Variants in IL1RAPL2 observed in about 807,000 individuals in gnomAD.
The protein encoded by IL1RAPL2 is interleukin 1 receptor accessory protein like 2.
In IL1RAPL2, 3 loss-of-function variants were observed where a neutral mutation model predicts 44.1. That is an observed-to-expected ratio of 0.07 (90% CI 0.03 to 0.18). The LOEUF (loss-of-function observed/expected upper bound fraction) is 0.18. IL1RAPL2 is among the 10% of genes least tolerant of loss of function. IL1RAPL2 has a pLI of 1.00. For missense variants in IL1RAPL2, 391 were observed against 496.4 expected (o/e 0.79, Z 2.02); for synonymous variants, 181 against 178.8 (o/e 1.01, Z -0.10).
chrX:105,243,203 G>A (rs2034186707), intron 4 of IL1RAPL2, among the ~76,000 whole-genome samples: 1 of 111,412 alleles, frequency 9.0e-6, no homozygotes, highest in Non-Finnish European at 1.9e-5. Flanking sequence ...GGTGGAAGGT[G>A]ATTGAATCAT....
chrX:105,144,694 T>A (rs2033163346), intron 2 of IL1RAPL2, among the ~76,000 whole-genome samples: 1 of 111,937 alleles, frequency 8.9e-6, no homozygotes, highest in Non-Finnish European at 1.9e-5. Context: ...GGAATATACT[T>A]TTGCTTATTG....
intron 6 of IL1RAPL2, among the ~76,000 whole-genome samples, chrX:105,609,658 C>T (rs781436369): frequency 4.5e-5 from 5 of 111,449 alleles, no homozygotes; most frequent in Admixed American, 9.5e-5. Context: ...GGAATAGATA[C>T]GGTTTTATCA....
chrX:105,562,373 T>C (rs776657845), intron 6 of IL1RAPL2, among the ~76,000 whole-genome samples: 1 of 111,123 alleles, frequency 9.0e-6, no homozygotes, highest in African/African-American at 3.3e-5. Flanking sequence ...GGACTTCAAA[T>C]GTTCTCACCA....
Position 105,162,047 on chromosome X carries a change from A to G in IL1RAPL2, c.83-33428A>G, listed in dbSNP as rs953811472. ...TCAACCCAGTCTATGCCCACTCACC[A>G]TTGTTAGATGACACTGTAATTCCAG... On this transcript the variant is annotated intron_variant, in intron 2 of 10. Coordinates refer to ENST00000372582, the MANE Select transcript of IL1RAPL2 (RefSeq NM_017416.2). Among the ~76,000 whole-genome samples, 5 of 112,275 alleles carry G rather than the reference A, an allele frequency of 4.5e-5. No individual in the cohort carries two copies. In the Admixed American group the frequency reaches 4.7e-4, roughly 11 times the overall value.
intron 2 of IL1RAPL2, among the ~76,000 whole-genome samples, chrX:104,802,820 A>G (rs1303545266): frequency 9.0e-6 from 1 of 111,037 alleles, no homozygotes; most frequent in African/African-American, 3.3e-5. Context: ...TAGAATATCA[A>G]TCCCTAAGTG....
chrX:105,432,661 GACAA>G (rs2035856359), intron 5 of IL1RAPL2, among the ~76,000 whole-genome samples: 1 of 111,219 alleles, frequency 9.0e-6, no homozygotes, highest in African/African-American at 3.3e-5. Flanking sequence ...AGACTTTCTA[GACAA>G]ACAATGTATA....
chrX:104,819,375 C>T (rs764405250), intron 2 of IL1RAPL2, among the ~76,000 whole-genome samples: 1 of 111,514 alleles, frequency 9.0e-6, no homozygotes, highest in East Asian at 2.8e-4. Context: ...GATGGGTTTA[C>T]ATCCTAATAT....
At chrX:105,093,192 G>C (rs1474197598) in intron 2 of IL1RAPL2, among the ~76,000 whole-genome samples, 4 of 106,178 alleles carry the variant, frequency 3.8e-5, no homozygotes, top group Non-Finnish European at 7.7e-5. Flanking sequence ...TGCACACACA[G>C]AAACACACAC....
chrX:105,119,556 T>C (rs953181078), intron 2 of IL1RAPL2, among the ~76,000 whole-genome samples: 1 of 111,726 alleles, frequency 9.0e-6, no homozygotes, highest in Non-Finnish European at 1.9e-5. Flanking sequence ...GTTGCACCTA[T>C]TCTGGCCCTA....
chrX:105,441,625 G>A (rs934097519), intron 5 of IL1RAPL2, among the ~76,000 whole-genome samples: 4 of 111,422 alleles, frequency 3.6e-5, no homozygotes, highest in Admixed American at 9.5e-5. Context: ...AGATTCAAAC[G>A]TTCTCTCATA....
At chrX:104,653,816 T>C (rs945568442) in intron 1 of IL1RAPL2, among the ~76,000 whole-genome samples, 2 of 111,442 alleles carry the variant, frequency 1.8e-5, no homozygotes, top group African/African-American at 6.5e-5. Flanking sequence ...CCTTTACATG[T>C]CATCCAGAGG....
intron 4 of IL1RAPL2, among the ~76,000 whole-genome samples, chrX:105,243,605 A>ATATT (rs1556211250): frequency 1.0e-5 from 1 of 97,400 alleles, no homozygotes; most frequent in African/African-American, 3.9e-5. Context: ...ATATATATAT[A>ATATT]TTTTTTTTTT....
intron 2 of IL1RAPL2, among the ~76,000 whole-genome samples, chrX:104,749,530 A>G (rs185146321): frequency 2.0e-3 from 223 of 112,133 alleles, no homozygotes; most frequent in African/African-American, 6.9e-3. Flanking sequence ...TTATACATGT[A>G]ATTATCTTTC....
chrX:104,911,603 T>C (rs1334836866), intron 2 of IL1RAPL2, among the ~76,000 whole-genome samples: 1 of 111,875 alleles, frequency 8.9e-6, no homozygotes, highest in Non-Finnish European at 1.9e-5. Context: ...CACTCTCCAC[T>C]CTTGCTCTTA....
chrX:105,642,453 C>A (rs1330833022), intron 6 of IL1RAPL2, among the ~76,000 whole-genome samples: 1 of 111,806 alleles, frequency 8.9e-6, no homozygotes, highest in African/African-American at 3.3e-5. Flanking sequence ...AACAACCCTA[C>A]TTTTAGACTT....
chrX:105,163,099 A>C lies in IL1RAPL2; in HGVS notation c.83-32376A>C, dbSNP rs1453211351. Among the ~76,000 whole-genome samples the C allele has an allele frequency of 2.7e-5, 3 of 111,752 alleles. No individual in the cohort carries two copies. The Admixed American group carries it at 2.9e-4, about 11-fold the overall frequency. On this transcript the variant is annotated intron_variant, in intron 2 of 10. Coordinates refer to ENST00000372582, the MANE Select transcript of IL1RAPL2 (RefSeq NM_017416.2). ...AAATCTGGCTCACCAGCTGTTTTGT[A>C]GTTTTACTGGAACACAGTCATGCTA...
At chrX:105,082,459 A>G (rs1480162589) in intron 2 of IL1RAPL2, among the ~76,000 whole-genome samples, 1 of 111,658 alleles carries the variant, frequency 9.0e-6, no homozygotes, top group African/African-American at 3.3e-5. Flanking sequence ...ACTAAGGATC[A>G]GACTGCTTCC....
intron 5 of IL1RAPL2, among the ~76,000 whole-genome samples, chrX:105,341,565 TACTTA>T (rs1305748747): frequency 1.8e-5 from 2 of 111,956 alleles, no homozygotes; most frequent in Admixed American, 1.9e-4. Context: ...AGTACTTTCA[TACTTA>T]ACTTTCTGTA....
At chrX:105,337,834 T>G (rs952864776) in intron 5 of IL1RAPL2, among the ~76,000 whole-genome samples, 1 of 110,325 alleles carries the variant, frequency 9.1e-6, no homozygotes, top group Admixed American at 9.7e-5. Context: ...GAGCTTGCAG[T>G]GAGCCGAGAT....
Sources: gnomAD v4.1 joint callset for allele counts (sites outside exome capture counted in the v4.1 genomes callset) on GRCh38, gnomAD v4.1.1 for gene constraint, MANE v1.5 for transcripts, NCBI Gene and HGNC (gene_info 2026-07-23, HGNC 2026-07-21) for gene names.